Variants in PROS1 observed in about 807,000 individuals in gnomAD.
PROS1 encodes the protein vitamin K-dependent protein S.
A neutral mutation model predicts 75.9 loss-of-function variants in PROS1; 29 were observed. The observed-to-expected ratio is 0.38, with a 90% confidence interval of 0.28 to 0.52. PROS1 has a LOEUF of 0.52. PROS1 is among the 20% of genes least tolerant of loss of function. The probability of loss-of-function intolerance (pLI) is 0.83; values close to 1 mark genes in which losing one functional copy is unlikely to be tolerated. For missense variants in PROS1, 680 were observed against 810.3 expected, an observed-to-expected ratio of 0.84 and a Z score of 1.95; for synonymous variants, 245 against 280.6, an observed-to-expected ratio of 0.87 and a Z score of 1.27.
intron 1 of PROS1, among the ~76,000 whole-genome samples, chr3:93,941,696 C>G (rs539539633): frequency 6.6e-6 from 1 of 152,282 alleles, no homozygotes; most frequent in African/African-American, 2.4e-5. Flanking sequence ...TACACAAGGA[C>G]CAGGACCACA....
At chr3:93,913,545 G>A (rs1223068067) in intron 3 of PROS1, among the ~76,000 whole-genome samples, 1 of 152,158 alleles carries the variant, frequency 6.6e-6, no homozygotes, top group African/African-American at 2.4e-5. Context: ...AAATTACCCA[G>A]TCTCAGGTAT....
At chr3:93,906,183 G>A (rs1253632822) in intron 4 of PROS1, 40 bp from the exon 5 acceptor site, 1 of 1,604,964 alleles carries the variant, frequency 6.2e-7, no homozygotes, top group East Asian at 2.2e-5. Context: ...TTTATCTCAT[G>A]TCATGGAAAA....
At chr3:93,948,498 G>C (rs1482972026) in intron 1 of PROS1, among the ~76,000 whole-genome samples, 1 of 152,098 alleles carries the variant, frequency 6.6e-6, no homozygotes, top group African/African-American at 2.4e-5. Flanking sequence ...GTCTAATGTT[G>C]ACAATGGGGT....
chr3:93,956,358 A>T (rs1709597895), intron 1 of PROS1, among the ~76,000 whole-genome samples: 1 of 152,112 alleles, frequency 6.6e-6, no homozygotes, highest in African/African-American at 2.4e-5. Context: ...TTATCTCAGC[A>T]TGATGGCTCA....
intron 12 of PROS1, 111 bp from the exon 13 acceptor site, chr3:93,879,425 A>G: frequency 7.2e-7 from 1 of 1,393,538 alleles, no homozygotes; most frequent in South Asian, 1.2e-5. Flanking sequence ...GTGTAATACT[A>G]TTTCCATTCC....
At chr3:93,923,913 AAAAC>A (rs1201123838) in intron 3 of PROS1, among the ~76,000 whole-genome samples, 1 of 152,106 alleles carries the variant, frequency 6.6e-6, no homozygotes, top group Admixed American at 6.5e-5. Flanking sequence ...CAAAAAAAAA[AAAAC>A]AGTTAACCCA....
chr3:93,936,743 C>A (rs1016214114), intron 1 of PROS1, among the ~76,000 whole-genome samples: 1 of 152,138 alleles, frequency 6.6e-6, no homozygotes, highest in African/African-American at 2.4e-5. Context: ...ATACACAAGG[C>A]AAGTTAGTCA....
intron 1 of PROS1, among the ~76,000 whole-genome samples, chr3:93,934,618 C>T (rs1709154594): frequency 1.3e-5 from 2 of 152,010 alleles, no homozygotes. Flanking sequence ...AGTCAAAGAT[C>T]ATTAAGAGAT....
chr3:93,911,324 C>T (rs1708756562), intron 3 of PROS1, among the ~76,000 whole-genome samples: 1 of 152,084 alleles, frequency 6.6e-6, no homozygotes, highest in African/African-American at 2.4e-5. Flanking sequence ...AGATGAAATA[C>T]TTTGTGACTT....
At chr3:93,934,419 C>G (rs1416994505) in intron 1 of PROS1, among the ~76,000 whole-genome samples, 2 of 152,096 alleles carry the variant, frequency 1.3e-5, no homozygotes, top group South Asian at 4.1e-4. Flanking sequence ...AGGGATTCAC[C>G]AACTATTATC....
At chr3:93,972,649 G>A (rs1330928793) in intron 1 of PROS1, among the ~76,000 whole-genome samples, 1 of 150,452 alleles carries the variant, frequency 6.6e-6, no homozygotes, top group Non-Finnish European at 1.5e-5. Flanking sequence ...GACCAGCCTG[G>A]CCAACATGGT....
At chr3:93,891,886 G>C (rs1708435659) in intron 10 of PROS1, among the ~76,000 whole-genome samples, 1 of 151,838 alleles carries the variant, frequency 6.6e-6, no homozygotes, top group African/African-American at 2.4e-5. Flanking sequence ...AAGACCCTGT[G>C]TCTATTTTTT....
At chr3:93,895,781 G>A (rs1559932547) in intron 9 of PROS1, among the ~76,000 whole-genome samples, 1 of 151,932 alleles carries the variant, frequency 6.6e-6, no homozygotes, top group Admixed American at 6.6e-5. Flanking sequence ...CCTGGGCAAC[G>A]TGGTAAAACT....
intron 10 of PROS1, among the ~76,000 whole-genome samples, chr3:93,887,017 C>A (rs1708358793): frequency 6.7e-6 from 1 of 149,898 alleles, no homozygotes; most frequent in African/African-American, 2.5e-5. Flanking sequence ...TTCCCGGGTT[C>A]ACGCCATTCT....
chr3:93,876,563 T>G (rs1576171743), intron 14 of PROS1, among the ~76,000 whole-genome samples: 1 of 113,004 alleles, frequency 8.8e-6, no homozygotes, highest in African/African-American at 3.5e-5. Flanking sequence ...CACTCCAGCC[T>G]GGGCGACAGA....
chr3:93,926,703 A>T (rs1400135757), intron 2 of PROS1, among the ~76,000 whole-genome samples: 1 of 152,240 alleles, frequency 6.6e-6, no homozygotes, highest in Non-Finnish European at 1.5e-5. Context: ...CCAAACTAGC[A>T]TGCATGCGTG....
intron 1 of PROS1, among the ~76,000 whole-genome samples, chr3:93,947,036 A>T (rs1468909594): frequency 2.6e-5 from 4 of 152,220 alleles, no homozygotes; most frequent in Non-Finnish European, 4.4e-5. Context: ...TCAAAAGAAG[A>T]CATTTATGCA....
intron 6 of PROS1, among the ~76,000 whole-genome samples, chr3:93,904,881 T>C (rs900910729): frequency 1.3e-5 from 2 of 152,182 alleles, no homozygotes; most frequent in African/African-American, 4.8e-5. Context: ...TAAAATGACT[T>C]GTTAGAAAGC....
rs73145870 is a variant in PROS1, at chr3:93,910,794, A to C, written c.260-89T>G. The C allele has an allele frequency of 2.6e-5, 26 of 1,015,646 alleles. No homozygotes were observed. In the Admixed American group the frequency reaches 4.9e-4, roughly 19 times the overall value. 62.9% of individuals were successfully genotyped at this position (1,015,646 alleles called of 1,614,324 possible). A position where few individuals can be genotyped will look rare whatever the true frequency, so the allele number is the denominator to read the frequency against. On this transcript the variant is annotated intron_variant, in intron 3 of 14. Transcript: ENST00000394236. ...TAGGAACTGTCCCAAGAGGTAGGACATTTATGCTCCTGTAGATTCACAAGA... is the reference window on the plus strand; with the variant it reads ...TAGGAACTGTCCCAAGAGGTAGGACCTTTATGCTCCTGTAGATTCACAAGA...
Sources: allele counts gnomAD v4.1 joint callset (sites outside exome capture counted in the v4.1 genomes callset), GRCh38; gene constraint gnomAD v4.1.1; transcripts MANE v1.5; gene names NCBI Gene and HGNC (gene_info 2026-07-23, HGNC 2026-07-21).